The following BCAR3 variants were observed in gnomAD, a reference collection of about 807,000 sequenced individuals.
The protein encoded by BCAR3 is breast cancer anti-estrogen resistance protein 3.
BCAR3 carries 37 observed loss-of-function variants against 80.1 expected under a neutral mutation model. That is an observed-to-expected ratio of 0.46 (90% CI 0.36 to 0.61). The LOEUF (loss-of-function observed/expected upper bound fraction) is 0.61, where lower values mean the gene tolerates loss of function less well. Among genes scored for constraint, BCAR3 ranks in the 20% least tolerant of loss-of-function variants. The pLI is 0.00. For missense variants in BCAR3, 978 were observed against 1,068.2 expected, an observed-to-expected ratio of 0.92 and a Z score of 1.18; for synonymous variants, 389 against 418.9, an observed-to-expected ratio of 0.93 and a Z score of 0.87.
At chr1:93,692,475 G>C (rs975954218) in intron 3 of BCAR3, among the ~76,000 whole-genome samples, 2 of 152,202 alleles carry the variant, frequency 1.3e-5, no homozygotes, top group Non-Finnish European at 1.5e-5. Context: ...GTTCTGATGG[G>C]GGAAACACAA....
At chr1:93,625,164 T>C (rs957154449) in intron 3 of BCAR3, among the ~76,000 whole-genome samples, 1 of 152,144 alleles carries the variant, frequency 6.6e-6, no homozygotes, top group Non-Finnish European at 1.5e-5. Context: ...TGAGCCAAGA[T>C]TGCACCACTG....
At chr1:93,642,468 AGTAT>A (rs1235561120) in intron 2 of BCAR3, 125 bp from the exon 3 acceptor site, 2 of 889,878 alleles carry the variant, frequency 2.2e-6, no homozygotes, top group Non-Finnish European at 3.6e-6. Flanking sequence ...TCTCCCAGGC[AGTAT>A]TCACAACAGG....
chr1:93,797,685 A>C (rs1653329583), intron 2 of BCAR3, among the ~76,000 whole-genome samples: 2 of 152,030 alleles, frequency 1.3e-5, no homozygotes, highest in African/African-American at 4.8e-5. Flanking sequence ...TCATTCTACC[A>C]ATCAGAAGAC....
intron 2 of BCAR3, among the ~76,000 whole-genome samples, chr1:93,773,481 T>C (rs1184264281): frequency 2.6e-5 from 4 of 152,338 alleles, no homozygotes; most frequent in African/African-American, 9.6e-5. Flanking sequence ...CTTCCCTGGA[T>C]GATTTCCTAA....
chr1:93,563,044 G>A (rs1306974707), intron 11 of BCAR3, among the ~76,000 whole-genome samples: 1 of 152,142 alleles, frequency 6.6e-6, no homozygotes, highest in African/African-American at 2.4e-5. Flanking sequence ...GTACCTAGGA[G>A]TTCGTTACTT....
At chr1:93,724,767 C>T (rs534595219) in intron 2 of BCAR3, among the ~76,000 whole-genome samples, 1 of 152,316 alleles carries the variant, frequency 6.6e-6, no homozygotes, top group Admixed American at 6.5e-5. Flanking sequence ...GATGCAATGT[C>T]CTTACTACCC....
At chr1:93,770,627 G>A (rs770620576) in intron 2 of BCAR3, among the ~76,000 whole-genome samples, 7 of 151,998 alleles carry the variant, frequency 4.6e-5, no homozygotes, top group Admixed American at 3.9e-4. Flanking sequence ...AGAGGGGGTG[G>A]GTAGAAAATA....
In BCAR3 at chr1:93,582,865, C is replaced by A; in HGVS notation, c.1122G>T (p.Leu374=). ...AGACCCTCCGAACCACTGCTGGGCT[C>A]AGGGCAGGCTCGCTTCCCGTCCTGA... ...PVFRTGSEPA[L]SPAVVRRVSS... is the part of the protein sequence containing the mutation. The change falls in exon 7 of 12, where the codon CTG becomes CTT. Residue 374 remains leucine (L), a synonymous_variant. Coordinates refer to ENST00000260502, the MANE Select transcript of BCAR3 (RefSeq NM_003567.4). 1.9e-6 allele frequency: 3 copies of A among 1,612,610 alleles called. No individual in the cohort carries two copies. Among genetic ancestry groups the A allele is most frequent in the Non-Finnish European group, 2.5e-6 (3 of 1,179,968 alleles).
chr1:93,815,652 C>A (rs1653992824), intron 2 of BCAR3, among the ~76,000 whole-genome samples: 1 of 152,106 alleles, frequency 6.6e-6, no homozygotes, highest in South Asian at 2.1e-4. Context: ...GTGTGAGATA[C>A]CATTGCCTGA....
In BCAR3 at chr1:93,674,740, C is replaced by T. The variant is rs750476398; in HGVS notation, c.191G>A (p.Cys64Tyr). 6.2e-7 allele frequency: 1 copy of T among 1,613,854 alleles called. No homozygotes were observed. The highest frequency in any genetic ancestry group is 8.5e-7 in the Non-Finnish European group (1 of 1,179,974). ...KKKGPPPIRS[C>Y]DDFSHMGTLP... ...GGTGCCCATGTGACTGAAGTCATCACAGGACCTTATGGGAGGAGGACCTTT... is the reference window on the plus strand; with the variant it reads ...GGTGCCCATGTGACTGAAGTCATCATAGGACCTTATGGGAGGAGGACCTTT... The change falls in exon 2 of 12, where the codon TGT becomes TAT. Residue 64 changes from cysteine (C) to tyrosine (Y), a missense_variant. Coordinates refer to ENST00000260502, the MANE Select transcript of BCAR3 (RefSeq NM_003567.4).
At chr1:93,840,818 GATAAGCTAGGCAC>G (rs1267886061) in intron 2 of BCAR3, among the ~76,000 whole-genome samples, 6 of 152,202 alleles carry the variant, frequency 3.9e-5, no homozygotes, top group Non-Finnish European at 5.9e-5. Context: ...TAATGCAGAA[GATAAGCTAGGCAC>G]ATAGTCAAGT....
At chr1:93,591,439 C>T (rs1368832613) in intron 4 of BCAR3, among the ~76,000 whole-genome samples, 9 of 152,064 alleles carry the variant, frequency 5.9e-5, no homozygotes, top group Non-Finnish European at 2.9e-5. Context: ...TGTGCTATTG[C>T]ACTCCAGCCT....
At chr1:93,587,700 C>T (rs140251878) in intron 5 of BCAR3, among the ~76,000 whole-genome samples, 5 of 126,244 alleles carry the variant, frequency 4.0e-5, no homozygotes, top group African/African-American at 2.3e-4. Flanking sequence ...GACCCCCCCG[C>T]CAAAAAAAAA....
At chr1:93,783,007 T>A (rs1652815907) in intron 2 of BCAR3, among the ~76,000 whole-genome samples, 2 of 152,138 alleles carry the variant, frequency 1.3e-5, no homozygotes, top group South Asian at 4.1e-4. Context: ...CACACAAATG[T>A]GCATTTCAGA....
intron 2 of BCAR3, among the ~76,000 whole-genome samples, chr1:93,667,326 T>C (rs1377554438): frequency 6.6e-6 from 1 of 152,064 alleles, no homozygotes; most frequent in Non-Finnish European, 1.5e-5. Flanking sequence ...TGTACCAGGG[T>C]CAAGTGTGAA....
intron 3 of BCAR3, 99 bp downstream of exon 3, chr1:93,642,205 T>C (rs1265732036): frequency 7.2e-7 from 1 of 1,386,534 alleles, no homozygotes; most frequent in Non-Finnish European, 1.0e-6. Context: ...ATCAGCTTTT[T>C]ACACAAACCA....
chr1:93,745,580 T>C (rs554466022), intron 2 of BCAR3, among the ~76,000 whole-genome samples: 1 of 152,310 alleles, frequency 6.6e-6, no homozygotes, highest in Admixed American at 6.5e-5. Context: ...AAACATTCCA[T>C]AGCCTCTTGT....
intron 2 of BCAR3, among the ~76,000 whole-genome samples, chr1:93,798,540 A>G (rs992029164): frequency 6.6e-6 from 1 of 152,158 alleles, no homozygotes; most frequent in Non-Finnish European, 1.5e-5. Flanking sequence ...CGCTGTTTCC[A>G]TAACATTCCA....
chr1:93,809,310 C>A (rs1653749757), intron 2 of BCAR3, among the ~76,000 whole-genome samples: 1 of 151,344 alleles, frequency 6.6e-6, no homozygotes, highest in Non-Finnish European at 1.5e-5. Flanking sequence ...AATTAATAAA[C>A]AACATCTTCT....
Sources: gnomAD v4.1 joint callset for allele counts (sites outside exome capture counted in the v4.1 genomes callset) on GRCh38, gnomAD v4.1.1 for gene constraint, MANE v1.5 for transcripts, NCBI Gene and HGNC (gene_info 2026-07-23, HGNC 2026-07-21) for gene names.